AUTS2: variants seen among roughly 807,000 people sequenced by gnomAD.
The protein encoded by AUTS2 is autism susceptibility gene 2 protein.
Under a neutral mutation model 112.4 loss-of-function variants are expected in AUTS2, and 17 were observed. The observed-to-expected ratio is 0.15, with a 90% CI of 0.10 to 0.23. The LOEUF is 0.23. AUTS2 is among the 10% of genes least tolerant of loss of function. AUTS2 has a pLI of 1.00. For missense variants in AUTS2, 1,510 were observed against 1,701.6 expected, an observed-to-expected ratio of 0.89 and a Z score of 1.98; for synonymous variants, 751 against 702.7, an observed-to-expected ratio of 1.07 and a Z score of -1.09.
intron 1 of AUTS2, among the ~76,000 whole-genome samples, chr7:69,645,474 A>T (rs1393010665): frequency 6.6e-6 from 1 of 152,208 alleles, no homozygotes; most frequent in Non-Finnish European, 1.5e-5. Flanking sequence ...ATGTATAGTC[A>T]GGTAGAGAGA....
At chr7:69,613,559 C>T (rs187017523) in intron 1 of AUTS2, among the ~76,000 whole-genome samples, 1 of 152,288 alleles carries the variant, frequency 6.6e-6, no homozygotes, top group East Asian at 1.9e-4. Flanking sequence ...CTGTTCTAAA[C>T]CCTTGCACTC....
At chr7:70,648,224 G>A (rs555178586) in intron 5 of AUTS2, among the ~76,000 whole-genome samples, 1 of 152,302 alleles carries the variant, frequency 6.6e-6, no homozygotes, top group South Asian at 2.1e-4. Flanking sequence ...GTTACAGCTA[G>A]TGTCATAGTA....
chr7:70,216,278 C>T (rs1811161419), intron 4 of AUTS2, among the ~76,000 whole-genome samples: 1 of 152,190 alleles, frequency 6.6e-6, no homozygotes, highest in South Asian at 2.1e-4. Flanking sequence ...GAAATATGGA[C>T]CCTGAAAGGT....
Position 69,963,721 on chromosome 7 carries a change from C to T in AUTS2, c.522+64223C>T, listed in dbSNP as rs529376979. Among the ~76,000 whole-genome samples the T allele has an allele frequency of 1.1e-4, 16 of 152,190 alleles. No individual in the cohort carries two copies. In the East Asian group the frequency reaches 1.2e-3, roughly 11 times the overall value. On this transcript the variant is annotated intron_variant, in intron 2 of 18. Coordinates refer to ENST00000342771, the MANE Select transcript of AUTS2 (RefSeq NM_015570.4). ...TTTTAAGATAGGTTTGATTACCCTC[C>T]GTTTACAGATGGGGAACTTGAGGTA...
At chr7:70,241,455 T>C (rs1812609306) in intron 4 of AUTS2, among the ~76,000 whole-genome samples, 1 of 152,194 alleles carries the variant, frequency 6.6e-6, no homozygotes, top group South Asian at 2.1e-4. Context: ...ATATATCCCC[T>C]AGATAAAAGT....
intron 4 of AUTS2, among the ~76,000 whole-genome samples, chr7:70,308,780 CAT>C: frequency 6.6e-6 from 1 of 152,210 alleles, no homozygotes; most frequent in Admixed American, 6.6e-5. Context: ...CATCTATACA[CAT>C]ATTAATTTTT....
At chr7:69,969,828 A>G (rs764380394) in intron 2 of AUTS2, among the ~76,000 whole-genome samples, 3 of 152,204 alleles carry the variant, frequency 2.0e-5, no homozygotes, top group Non-Finnish European at 2.9e-5. Flanking sequence ...TGTTGGAAAG[A>G]TATTTCTGCT....
intron 2 of AUTS2, among the ~76,000 whole-genome samples, chr7:70,081,958 G>A (rs556727502): frequency 3.4e-5 from 5 of 146,492 alleles, no homozygotes; most frequent in Admixed American, 2.0e-4. Context: ...GTGTGTGTGT[G>A]TGTGTGTGCG....
chr7:70,005,053 G>T (rs1799484945), intron 2 of AUTS2, among the ~76,000 whole-genome samples: 3 of 152,042 alleles, frequency 2.0e-5, no homozygotes, highest in South Asian at 4.2e-4. Flanking sequence ...TCGAACTCCT[G>T]ACCTCGGGTG....
chr7:69,683,318 G>T (rs1796895727), intron 1 of AUTS2, among the ~76,000 whole-genome samples: 1 of 152,180 alleles, frequency 6.6e-6, no homozygotes, highest in South Asian at 2.1e-4. Flanking sequence ...ACAAAAAGTG[G>T]CAGGAACCGC....
intron 5 of AUTS2, among the ~76,000 whole-genome samples, chr7:70,687,401 G>A (rs926211097): frequency 6.6e-6 from 1 of 152,190 alleles, no homozygotes; most frequent in Non-Finnish European, 1.5e-5. Context: ...GCCTTTCTTT[G>A]CAGGGTTGTC....
chr7:70,224,575 A>T (rs898870479), intron 4 of AUTS2, among the ~76,000 whole-genome samples: 2 of 152,188 alleles, frequency 1.3e-5, no homozygotes, highest in African/African-American at 2.4e-5. Flanking sequence ...TTAATTTGTT[A>T]TTGAAGAAAG....
chr7:69,775,188 C>A (rs1437063470), intron 1 of AUTS2, among the ~76,000 whole-genome samples: 1 of 152,050 alleles, frequency 6.6e-6, no homozygotes, highest in Non-Finnish European at 1.5e-5. Context: ...CTTAACCCCA[C>A]CCTTCACTCC....
At position 70,083,536 on chromosome 7, in the gene AUTS2, C is replaced by T. The variant is rs78062857; in HGVS notation, c.523-34596C>T. On this transcript the variant is annotated intron_variant, in intron 2 of 18. Transcript: ENST00000342771. ...TATAATCTTAGGACGATTGTATTTT[C>T]CTTTTGTTTGTAACAACTTTATTGA... Among the ~76,000 whole-genome samples the T allele has an allele frequency of 8.7e-3, 1,330 of 152,204 alleles. 22 individuals carry two copies. The highest frequency in any genetic ancestry group is 0.031 in the African/African-American group (1,267 of 41,526).
chr7:69,618,990 A>G (rs1793519353), intron 1 of AUTS2, among the ~76,000 whole-genome samples: 1 of 152,172 alleles, frequency 6.6e-6, no homozygotes, highest in African/African-American at 2.4e-5. Context: ...AAAGCTCCCC[A>G]AGGCGAGGAT....
intron 4 of AUTS2, among the ~76,000 whole-genome samples, chr7:70,283,112 C>T (rs1377481630): frequency 6.6e-6 from 1 of 152,096 alleles, no homozygotes; most frequent in Non-Finnish European, 1.5e-5. Flanking sequence ...AGAATATTAG[C>T]TTGTGCTTTG....
intron 1 of AUTS2, among the ~76,000 whole-genome samples, chr7:69,619,170 G>T (rs143951618): frequency 3.9e-5 from 6 of 152,252 alleles, no homozygotes; most frequent in Admixed American, 3.9e-4. Context: ...ATTCTGGAGG[G>T]TAATGTCCTG....
At chr7:70,083,379 T>G (rs972293981) in intron 2 of AUTS2, among the ~76,000 whole-genome samples, 1 of 152,208 alleles carries the variant, frequency 6.6e-6, no homozygotes, top group Non-Finnish European at 1.5e-5. Context: ...CTCTATCTAC[T>G]TTAGCCAGAA....
intron 4 of AUTS2, among the ~76,000 whole-genome samples, chr7:70,352,450 C>T (rs1243378949): frequency 6.6e-6 from 1 of 151,964 alleles, no homozygotes; most frequent in African/African-American, 2.4e-5. Context: ...TCATTTGTGC[C>T]CATTTTAATG....
Sources: gnomAD v4.1 joint callset for allele counts (sites outside exome capture counted in the v4.1 genomes callset) on GRCh38, gnomAD v4.1.1 for gene constraint, MANE v1.5 for transcripts, NCBI Gene and HGNC (gene_info 2026-07-23, HGNC 2026-07-21) for gene names.